IMMP2L: variants seen among roughly 807,000 people sequenced by gnomAD.
IMMP2L encodes the protein inner mitochondrial membrane peptidase subunit 2.
IMMP2L carries 18 observed loss-of-function variants against 19.3 expected under a neutral mutation model. The ratio of observed to expected loss-of-function variants is 0.93; its 90% CI spans 0.64 to 1.38. The LOEUF (loss-of-function observed/expected upper bound fraction) is 1.38. Ranked by LOEUF, IMMP2L falls within the 40% of genes most tolerant of loss-of-function variation. The pLI, the probability that IMMP2L is intolerant of heterozygous loss-of-function variation, is 0.00. For synonymous variants in IMMP2L, 76 were observed against 73.0 expected, an observed-to-expected ratio of 1.04 and a Z score of -0.21; for missense variants, 233 against 218.2, an observed-to-expected ratio of 1.07 and a Z score of -0.43.
At chr7:111,195,305 A>T (rs1809347399) in intron 3 of IMMP2L, among the ~76,000 whole-genome samples, 1 of 152,108 alleles carries the variant, frequency 6.6e-6, no homozygotes, top group South Asian at 2.1e-4. Context: ...CTAGAAACAA[A>T]TTTTTTTCAA....
intron 3 of IMMP2L, among the ~76,000 whole-genome samples, chr7:111,153,369 C>G (rs990305335): frequency 6.6e-6 from 1 of 152,044 alleles, no homozygotes; most frequent in Non-Finnish European, 1.5e-5. Flanking sequence ...AGAATCAGAA[C>G]AGTGCAGTAG....
intron 5 of IMMP2L, among the ~76,000 whole-genome samples, chr7:110,839,553 T>C (rs1804847324): frequency 6.6e-6 from 1 of 152,042 alleles, no homozygotes; most frequent in South Asian, 2.1e-4. Context: ...TATATATATA[T>C]GAATATTCCA....
intron 5 of IMMP2L, among the ~76,000 whole-genome samples, chr7:110,782,233 G>C (rs962848530): frequency 6.6e-6 from 1 of 151,858 alleles, no homozygotes. Context: ...CATATTTTAA[G>C]CCTAAGGTAG....
intron 3 of IMMP2L, among the ~76,000 whole-genome samples, chr7:111,395,284 A>G (rs1173875428): frequency 2.0e-5 from 3 of 151,872 alleles, no homozygotes; most frequent in Non-Finnish European, 4.4e-5. Context: ...CTTCCACATC[A>G]CTCTTCTACC....
At chr7:111,124,657 C>G in intron 3 of IMMP2L, 2 of 1,613,926 alleles carry the variant, frequency 1.2e-6, no homozygotes, top group Non-Finnish European at 1.7e-6. Flanking sequence ...TACCACAACA[C>G]TTATGGCCTG....
chr7:110,983,345 T>C (rs1174407610), intron 3 of IMMP2L, among the ~76,000 whole-genome samples: 6 of 151,720 alleles, frequency 4.0e-5, no homozygotes, highest in Admixed American at 2.6e-4. Flanking sequence ...ATACTTCATA[T>C]AGACTTAATG....
intron 4 of IMMP2L, among the ~76,000 whole-genome samples, chr7:110,893,394 CT>C (rs1373204259): frequency 6.6e-6 from 1 of 152,110 alleles, no homozygotes; most frequent in Non-Finnish European, 1.5e-5. Flanking sequence ...AATACGTATT[CT>C]TTTATTTCTG....
At chr7:110,939,550 C>T (rs1340367694) in intron 4 of IMMP2L, among the ~76,000 whole-genome samples, 3 of 152,126 alleles carry the variant, frequency 2.0e-5, no homozygotes. Flanking sequence ...GTGTTGACAA[C>T]AGCATGAAGC....
intron 3 of IMMP2L, among the ~76,000 whole-genome samples, chr7:111,119,929 A>G (rs1166497163): frequency 6.6e-6 from 1 of 152,206 alleles, no homozygotes; most frequent in African/African-American, 2.4e-5. Context: ...AAAGTCTTGT[A>G]TGAAAGACTT....
intron 3 of IMMP2L, among the ~76,000 whole-genome samples, chr7:111,329,745 A>G (rs531304053): frequency 2.0e-5 from 3 of 152,042 alleles, no homozygotes; most frequent in Admixed American, 6.6e-5. Flanking sequence ...ACATAAAACA[A>G]AAGAAAATTT....
chr7:111,317,108 A>G (rs1347541311), intron 3 of IMMP2L, among the ~76,000 whole-genome samples: 2 of 151,982 alleles, frequency 1.3e-5, no homozygotes, highest in African/African-American at 4.8e-5. Context: ...TCAGCCTCCC[A>G]AAGTGCTGGG....
At chr7:110,876,055 A>G (rs139741165) in intron 5 of IMMP2L, among the ~76,000 whole-genome samples, 50 of 152,328 alleles carry the variant, frequency 3.3e-4, no homozygotes, top group Non-Finnish European at 6.6e-4. Context: ...CTTTATGAAA[A>G]TATTTTTAAT....
intron 5 of IMMP2L, among the ~76,000 whole-genome samples, chr7:110,862,085 T>C (rs1807486274): frequency 6.6e-6 from 1 of 152,212 alleles, no homozygotes; most frequent in South Asian, 2.1e-4. Context: ...TTTTCTTAAA[T>C]AAACTGTGTG....
intron 5 of IMMP2L, among the ~76,000 whole-genome samples, chr7:110,762,763 G>A (rs927473148): frequency 6.6e-6 from 1 of 152,130 alleles, no homozygotes; most frequent in African/African-American, 2.4e-5. Flanking sequence ...CCAGAAGCTA[G>A]TGGATAGCAG....
chr7:111,389,250 A>T (rs1462375650), intron 3 of IMMP2L, among the ~76,000 whole-genome samples: 1 of 152,180 alleles, frequency 6.6e-6, no homozygotes, highest in Non-Finnish European at 1.5e-5. Flanking sequence ...TGTCAAAATC[A>T]TTAAAGATAA....
In IMMP2L at chr7:111,405,944, G is replaced by A. The variant is rs554008541; in HGVS notation, c.239+81294C>T. Among the ~76,000 whole-genome samples, 4 of 152,222 alleles carry A rather than the reference G, an allele frequency of 2.6e-5. 1 individual carries two copies. In the East Asian group the frequency reaches 5.8e-4, roughly 22 times the overall value. On this transcript the variant is annotated intron_variant, in intron 3 of 5. Coordinates refer to ENST00000405709, the MANE Select transcript of IMMP2L (RefSeq NM_032549.4). ...GAATAGCTGCAACAAGGACTAGATA[G>A]TGCTTCTGATCCTTTACAGAAGAAA...
intron 3 of IMMP2L, among the ~76,000 whole-genome samples, chr7:111,144,532 A>G (rs1353966729): frequency 1.3e-5 from 2 of 152,138 alleles, no homozygotes; most frequent in South Asian, 2.1e-4. Flanking sequence ...TGACAGGATC[A>G]TCCTTTGTGT....
chr7:111,552,885 C>T (rs976749815), intron 1 of IMMP2L, among the ~76,000 whole-genome samples: 5 of 152,128 alleles, frequency 3.3e-5, no homozygotes, highest in African/African-American at 1.2e-4. Flanking sequence ...TCGGGAAAGT[C>T]ATCTGCCATC....
At chr7:111,524,758 A>G (rs1391814498) in intron 1 of IMMP2L, among the ~76,000 whole-genome samples, 1 of 152,174 alleles carries the variant, frequency 6.6e-6, no homozygotes, top group Non-Finnish European at 1.5e-5. Context: ...TAGATTAAGA[A>G]AAAGTATCTG....
Sources: gnomAD v4.1 joint callset for allele counts (sites outside exome capture counted in the v4.1 genomes callset) on GRCh38, gnomAD v4.1.1 for gene constraint, MANE v1.5 for transcripts, NCBI Gene and HGNC (gene_info 2026-07-23, HGNC 2026-07-21) for gene names.